Variants in CLCA4 observed in about 807,000 individuals in gnomAD.
The protein encoded by CLCA4 is chloride channel accessory 4.
A neutral mutation model predicts 78.9 loss-of-function variants in CLCA4; 69 were observed. The observed-to-expected ratio is 0.87, with a 90% CI of 0.72 to 1.07. The LOEUF (loss-of-function observed/expected upper bound fraction) is 1.07, where lower values mean the gene tolerates loss of function less well. Among genes scored for constraint, CLCA4 ranks in the 50% least tolerant of loss-of-function variants. The pLI, the probability that CLCA4 is intolerant of heterozygous loss-of-function variation, is 0.00. For missense variants in CLCA4, 1,133 were observed against 1,095.8 expected, an observed-to-expected ratio of 1.03 and a Z score of -0.48; for synonymous variants, 362 against 375.8, an observed-to-expected ratio of 0.96 and a Z score of 0.42.
intron 11 of CLCA4, 37 bp from the exon 12 acceptor site, chr1:86,577,864 CT>C: frequency 6.4e-7 from 1 of 1,573,272 alleles, no homozygotes; most frequent in Non-Finnish European, 8.6e-7. Flanking sequence ...TGCAAAATTT[CT>C]CTTTACAAGA....
At chr1:86,578,809 T>A (rs1650609876) in intron 12 of CLCA4, among the ~76,000 whole-genome samples, 2 of 152,038 alleles carry the variant, frequency 1.3e-5, no homozygotes, top group South Asian at 4.1e-4. Context: ...AAACACTTAT[T>A]TAGAATTTTA....
rs1442683983 is a variant in CLCA4, at chr1:86,569,321, G to GA, written c.1182+1676dup. Among the ~76,000 whole-genome samples the GA allele has an allele frequency of 1.4e-4, 21 of 152,050 alleles. 1 individual carries two copies. Among genetic ancestry groups the GA allele is most frequent in the African/African-American group, 4.3e-4 (18 of 41,544 alleles). On this transcript the variant is annotated intron_variant, in intron 7 of 13. Transcript: ENST00000370563. ...AAAAGTTCCTTAAGGAAAAAGGTGA[G>GA]AAAAAACTAGATTATTCTAAGAAAT... is the stretch of plus-strand genomic sequence containing the variant.
chr1:86,567,193 C>T (rs1570329771), intron 6 of CLCA4, among the ~76,000 whole-genome samples: 1 of 152,020 alleles, frequency 6.6e-6, no homozygotes, highest in Admixed American at 6.6e-5. Context: ...ACTCAGTGGT[C>T]AAGAATCAAT....
In CLCA4 at chr1:86,572,602, T is replaced by C; in HGVS notation, c.1361-12T>C. The C allele has an allele frequency of 6.7e-7, 1 of 1,503,098 alleles. No homozygotes were observed. The allele number at this position is 1,503,098 out of a possible 1,614,324, so 93.1% of individuals were successfully genotyped here. ...TCTAGAAAGCAGTCTAATTAATGCATTTACATTTTAGGAGGAAGTCATTTT... is the reference window on the plus strand; with the variant it reads ...TCTAGAAAGCAGTCTAATTAATGCACTTACATTTTAGGAGGAAGTCATTTT... On this transcript the variant is annotated splice_polypyrimidine_tract_variant and intron_variant, in intron 8 of 13. Coordinates refer to ENST00000370563, the MANE Select transcript of CLCA4 (RefSeq NM_012128.4).
intron 1 of CLCA4, among the ~76,000 whole-genome samples, chr1:86,550,959 G>T (rs1052698290): frequency 2.6e-5 from 4 of 151,254 alleles, no homozygotes; most frequent in Non-Finnish European, 5.9e-5. Flanking sequence ...AGCCTCCCGA[G>T]TGGCTGGGAT....
At chr1:86,574,286 GA>G (rs1413989680) in intron 9 of CLCA4, among the ~76,000 whole-genome samples, 1 of 151,860 alleles carries the variant, frequency 6.6e-6, no homozygotes, top group Non-Finnish European at 1.5e-5. Context: ...AGACAACCGG[GA>G]AAAAAACAGT....
rs923038975 is a variant in CLCA4, at chr1:86,567,470, T to C, written c.1001T>C (p.Leu334Pro). The C allele has an allele frequency of 2.5e-6, 4 of 1,613,348 alleles. No individual in the cohort carries two copies. The Admixed American group carries it at 5.0e-5, about 20-fold the overall frequency. ...ATGAATCAAGCAGCAAAACATTTCC[T>C]GCTGCAGACTGTTGAAAATGGATCC... ...NRMNQAAKHF[L>P]LQTVENGSWV... Residue 334 changes from leucine (L) to proline (P), a missense_variant, in exon 7 of 14, where the codon CTG becomes CCG. Leu to Pro is a moderately conservative substitution (Grantham distance 98). Transcript: ENST00000370563.
intron 1 of CLCA4, chr1:86,552,800 A>G: frequency 9.2e-7 from 1 of 1,089,848 alleles, no homozygotes; most frequent in Non-Finnish European, 1.4e-6. Context: ...TCCACGCCTG[A>G]AAACAGCTCT....
rs1475241410 is a variant in CLCA4, at chr1:86,579,558, C to T, written c.2327C>T (p.Ala776Val). Residue 776 changes from alanine (A) to valine (V), a missense_variant, in exon 13 of 14, where the codon GCA becomes GTA. Physicochemically the swap from Ala to Val is moderately conservative, Grantham distance 64. Transcript: ENST00000370563. The stretch of plus-strand genomic sequence containing the variant: ...GATAAGATTATTCTTACATGGACAG[C>T]ACCAGGAGATAATTTTGATGTTGGA... Reference protein sequence around the residue: ...HEDKIILTWTAPGDNFDVGKV... With the variant: ...HEDKIILTWTVPGDNFDVGKV... The T allele has an allele frequency of 6.2e-7, 1 of 1,611,032 alleles. No homozygotes were observed. Among genetic ancestry groups the T allele is most frequent in the East Asian group, 2.2e-5 (1 of 44,714 alleles).
chr1:86,566,224 G>A (rs1330193555), intron 6 of CLCA4, among the ~76,000 whole-genome samples: 1 of 151,978 alleles, frequency 6.6e-6, no homozygotes, highest in Non-Finnish European at 1.5e-5. Context: ...TAATCCAAGG[G>A]TCACTTCCTC....
intron 2 of CLCA4, 44 bp from the exon 3 acceptor site, chr1:86,560,167 C>A (rs1011214546): frequency 1.3e-6 from 2 of 1,574,398 alleles, no homozygotes; most frequent in Non-Finnish European, 1.7e-6. Flanking sequence ...TGAATATTAT[C>A]TTTTTTATTT....
chr1:86,561,738 A>G (rs1232176827), intron 3 of CLCA4, among the ~76,000 whole-genome samples: 2 of 152,006 alleles, frequency 1.3e-5, no homozygotes, highest in Admixed American at 6.6e-5. Context: ...GGCTTCTCCA[A>G]TTTGTAAGCT....
At chr1:86,548,413 G>T (rs907076518) in intron 1 of CLCA4, among the ~76,000 whole-genome samples, 3 of 151,970 alleles carry the variant, frequency 2.0e-5, no homozygotes, top group African/African-American at 7.3e-5. Context: ...AGGCACGGTG[G>T]CTCTCATGCC....
chr1:86,565,769 T>A (rs748724090), intron 5 of CLCA4, 33 bp from the exon 6 acceptor site: 2 of 1,282,384 alleles, frequency 1.6e-6, no homozygotes, highest in Non-Finnish European at 1.0e-6. Context: ...GCATGGTATA[T>A]TAAAATTATT....
intron 11 of CLCA4, among the ~76,000 whole-genome samples, chr1:86,577,681 G>GAAATAATA (rs779051358): frequency 4.6e-5 from 7 of 152,056 alleles, no homozygotes; most frequent in Non-Finnish European, 8.8e-5. Context: ...ATCAGTGTGT[G>GAAATAATA]TGTATGTATG....
At chr1:86,579,024 G>T (rs376996939) in intron 12 of CLCA4, among the ~76,000 whole-genome samples, 1 of 152,114 alleles carries the variant, frequency 6.6e-6, no homozygotes, top group African/African-American at 2.4e-5. Context: ...AACTGGCAAT[G>T]ATTTCCCCAG....
Position 86,575,611 on chromosome 1 carries a change from G to T in CLCA4, c.1951+12G>T. 6.2e-7 allele frequency: 1 copy of T among 1,607,642 alleles called. No individual in the cohort carries two copies. The highest frequency in any genetic ancestry group is 8.5e-7 in the Non-Finnish European group (1 of 1,176,052). On this transcript the variant is annotated intron_variant, in intron 11 of 13. Transcript: ENST00000370563. ...GGATAATGGTGCAGGTAATTCACAG[G>T]TTTTTATGAATAAGCCAATATTTTC... is the stretch of plus-strand genomic sequence containing the variant.
Position 86,547,258 on chromosome 1 carries a change from A to G in CLCA4, c.139A>G (p.Lys47Glu). The G allele has an allele frequency of 6.3e-7, 1 of 1,593,198 alleles. No homozygotes were observed. The highest frequency in any genetic ancestry group is 8.5e-7 in the Non-Finnish European group (1 of 1,173,440). ...VIDPSVPEDE[K>E]IIEQIEDMVT... ...AGATCCTAGTGTGCCAGAAGATGAA[A>G]AAATAATTGAACAAATAGAGGTAAG... Residue 47 changes from lysine to glutamate, a missense_variant, in exon 1 of 14, where the codon AAA becomes GAA. By Grantham distance (56) the Lys-to-Glu change is moderately conservative. Coordinates refer to ENST00000370563, the MANE Select transcript of CLCA4 (RefSeq NM_012128.4).
At position 86,572,834 on chromosome 1, in the gene CLCA4, A is replaced by G. The variant is rs545502515; in HGVS notation, c.1467+114A>G. 1.1e-4 allele frequency: 81 copies of G among 708,996 alleles called. No individual in the cohort carries two copies. The African/African-American group carries it at 1.3e-3, about 11-fold the overall frequency. The allele number at this position is 708,996 out of a possible 1,614,324, so 43.9% of individuals were successfully genotyped here. On this transcript the variant is annotated intron_variant, in intron 9 of 13. Transcript: ENST00000370563. ...TTCTCAAAGTAAATTTTTAATTAAA[A>G]TCTAAACTTTAATCTTAAATAGAAA...
Sources: allele counts gnomAD v4.1 joint callset (sites outside exome capture counted in the v4.1 genomes callset), GRCh38; gene constraint gnomAD v4.1.1; transcripts MANE v1.5; gene names NCBI Gene and HGNC (gene_info 2026-07-23, HGNC 2026-07-21).